Variants in SLC37A1 observed in about 807,000 individuals in gnomAD.
SLC37A1 encodes the protein solute carrier family 37 member 1.
SLC37A1 carries 49 observed loss-of-function variants against 75.3 expected under a neutral mutation model. That is an observed-to-expected ratio of 0.65 (90% CI 0.52 to 0.83). The LOEUF is 0.83. SLC37A1 is among the 40% of genes least tolerant of loss of function. The pLI is 0.00. For synonymous variants in SLC37A1, 268 were observed against 292.1 expected (o/e 0.92, Z 0.84); for missense variants, 566 against 695.0 (o/e 0.81, Z 2.09).
intron 6 of SLC37A1, among the ~76,000 whole-genome samples, chr21:42,540,833 C>T (rs1275182950): frequency 2.0e-5 from 3 of 152,156 alleles, no homozygotes; most frequent in Non-Finnish European, 4.4e-5. Flanking sequence ...ATTTTAATTA[C>T]AAAAGCAATT....
At chr21:42,518,140 C>T (rs770964949) in intron 1 of SLC37A1, 137 bp from the exon 2 acceptor site, 6 of 354,442 alleles carry the variant, frequency 1.7e-5, no homozygotes, top group African/African-American at 4.2e-5. Context: ...CTGGTGGGGG[C>T]CCCTGCTTGT....
At chr21:42,530,656 C>A (rs1710540) in intron 3 of SLC37A1, among the ~76,000 whole-genome samples, 1,027 of 23,250 alleles carry the variant, frequency 0.044, 59 homozygotes, top group African/African-American at 0.046. Flanking sequence ...ACACACACAC[C>A]CCCTCTGTGT....
At position 42,562,137 on chromosome 21, in the gene SLC37A1, C is replaced by A. The variant is rs77485357; in HGVS notation, c.1041C>A (p.Leu347=). The part of the protein sequence containing the change: ...LFAKLVSYTF[L]FWLPLYITNV... ...CCAAGCTGGTCAGCTATACTTTCCTCTTCTGGCTGCCCCTGTACATCACGA... is the reference window on the plus strand; with the variant it reads ...CCAAGCTGGTCAGCTATACTTTCCTATTCTGGCTGCCCCTGTACATCACGA... The change falls in exon 12 of 20, where the codon CTC becomes CTA. Residue 347 remains leucine, a synonymous_variant. Transcript: ENST00000352133. 69,683 of 1,614,036 alleles carry A rather than the reference C, an allele frequency of 0.043. 1,839 individuals are homozygous for A. The highest frequency in any genetic ancestry group is 0.078 in the South Asian group (7,110 of 91,060).
At chr21:42,529,102 CAT>C (rs2054874631) in intron 3 of SLC37A1, among the ~76,000 whole-genome samples, 1 of 151,958 alleles carries the variant, frequency 6.6e-6, no homozygotes, top group South Asian at 2.1e-4. Flanking sequence ...AAAAGATTAA[CAT>C]ATTTTAATAC....
chr21:42,556,531 T>A (rs1055972276), intron 10 of SLC37A1, among the ~76,000 whole-genome samples: 1 of 152,220 alleles, frequency 6.6e-6, no homozygotes, highest in Non-Finnish European at 1.5e-5. Context: ...TCTGTGTGTA[T>A]TTTTGTTGTG....
chr21:42,555,231 AC>A (rs1241867978), intron 10 of SLC37A1, among the ~76,000 whole-genome samples: 1 of 151,704 alleles, frequency 6.6e-6, no homozygotes, highest in African/African-American at 2.4e-5. Context: ...CAGGTGACCC[AC>A]CCGCCTTAGC....
At chr21:42,556,898 C>T (rs1285722431) in intron 10 of SLC37A1, among the ~76,000 whole-genome samples, 1 of 152,038 alleles carries the variant, frequency 6.6e-6, no homozygotes, top group East Asian at 1.9e-4. Flanking sequence ...GCTGTGAGCA[C>T]AGGGCCCGTT....
At chr21:42,550,317 T>C (rs969576848) in intron 9 of SLC37A1, among the ~76,000 whole-genome samples, 2 of 152,208 alleles carry the variant, frequency 1.3e-5, no homozygotes, top group Non-Finnish European at 2.9e-5. Context: ...AAATGGATTA[T>C]GAGGGAACTA....
intron 2 of SLC37A1, chr21:42,502,785 C>A (rs954959579): frequency 6.6e-6 from 1 of 152,208 alleles, no homozygotes; most frequent in Non-Finnish European, 1.5e-5. Flanking sequence ...ACAACTGGAA[C>A]GTGTTTCCAG....
chr21:42,516,267 A>T (rs903345191), intron 1 of SLC37A1, among the ~76,000 whole-genome samples: 2 of 152,234 alleles, frequency 1.3e-5, no homozygotes, highest in African/African-American at 4.8e-5. Flanking sequence ...GATGGGCAGG[A>T]AGAAGAGTGG....
intron 5 of SLC37A1, 60 bp from the exon 6 acceptor site, chr21:42,539,452 G>A: frequency 1.3e-6 from 2 of 1,548,106 alleles, no homozygotes; most frequent in Non-Finnish European, 1.7e-6. Context: ...ACAGCCACGA[G>A]GTTGCTAACA....
At chr21:42,531,590 C>T (rs1002579650) in intron 3 of SLC37A1, among the ~76,000 whole-genome samples, 1 of 152,146 alleles carries the variant, frequency 6.6e-6, no homozygotes, top group Non-Finnish European at 1.5e-5. Context: ...AAGGACTTGA[C>T]CCCCTCCCCA....
intron 6 of SLC37A1, among the ~76,000 whole-genome samples, chr21:42,539,995 G>A (rs2055234628): frequency 6.6e-6 from 1 of 152,224 alleles, no homozygotes; most frequent in Admixed American, 6.5e-5. Context: ...AGGGGTTGGA[G>A]GGTGTGTCCT....
chr21:42,551,154 C>T (rs988060424), intron 9 of SLC37A1, among the ~76,000 whole-genome samples: 4 of 152,110 alleles, frequency 2.6e-5, no homozygotes, highest in Non-Finnish European at 5.9e-5. Flanking sequence ...ATCTTTTATA[C>T]AGAAAATCAT....
rs1184863497 is a variant in SLC37A1 at position 42,552,311 on chromosome 21, G to A, written c.769-1751G>A. On this transcript the variant is annotated intron_variant, in intron 9 of 19. Coordinates refer to ENST00000352133, the MANE Select transcript of SLC37A1 (RefSeq NM_001320537.2). The surrounding 1 kb of genome is among the most constrained non-coding windows in gnomAD (Gnocchi z 4.2). ...TATTAATATCTTCAGATTAGTTGGGGTTGTGTTCAGCAGCAAGCAATAGAA... is the reference window on the plus strand; with the variant it reads ...TATTAATATCTTCAGATTAGTTGGGATTGTGTTCAGCAGCAAGCAATAGAA... Among the ~76,000 whole-genome samples the A allele has an allele frequency of 6.6e-6, 1 of 152,154 alleles. No individual in the cohort carries two copies. Among genetic ancestry groups the A allele is most frequent in the Non-Finnish European group, 1.5e-5 (1 of 68,032 alleles).
chr21:42,563,825 T>G lies in SLC37A1; in HGVS notation c.1083T>G (p.Asp361Glu). The stretch of plus-strand genomic sequence containing the variant: ...TTGTCATTTCAATAGATCACCTTGA[T>G]GCCAAAAAGGCGGGGGAGCTCTCCA... ...PLYITNVDHL[D>E]AKKAGELSTL... The change falls in exon 13 of 20, where the codon GAT (aspartate) becomes GAG (glutamate). Residue 361 changes from aspartate (D) to glutamate (E), a missense_variant. Transcript: ENST00000352133. The G allele has an allele frequency of 6.2e-7, 1 of 1,614,210 alleles. No homozygotes were observed. Among genetic ancestry groups the G allele is most frequent in the African/African-American group, 1.3e-5 (1 of 75,060 alleles).
intron 6 of SLC37A1, among the ~76,000 whole-genome samples, chr21:42,539,974 T>C (rs182994612): frequency 6.6e-6 from 1 of 152,340 alleles, no homozygotes; most frequent in Admixed American, 6.5e-5. Flanking sequence ...TTGCGAAAGA[T>C]TTGACCACTT....
chr21:42,540,574 A>T (rs2055254321), intron 6 of SLC37A1, among the ~76,000 whole-genome samples: 1 of 152,160 alleles, frequency 6.6e-6, no homozygotes, highest in African/African-American at 2.4e-5. Context: ...GCCTGAGGAC[A>T]GCGCGCGCTG....
intron 2 of SLC37A1, among the ~76,000 whole-genome samples, chr21:42,520,074 C>A (rs2054611442): frequency 6.6e-6 from 1 of 152,062 alleles, no homozygotes; most frequent in Admixed American, 6.5e-5. Flanking sequence ...TTTGTAAATA[C>A]TTCCGTGTGT....
Sources: gnomAD v4.1 joint callset for allele counts (sites outside exome capture counted in the v4.1 genomes callset) on GRCh38, gnomAD v4.1.1 for gene constraint, Gnocchi (gnomAD v3.1) non-coding constraint, MANE v1.5 for transcripts, NCBI Gene and HGNC (gene_info 2026-07-23, HGNC 2026-07-21) for gene names.